Variants in NET1 observed in about 807,000 individuals in gnomAD.
NET1 encodes neuroepithelial cell transforming 1.
A neutral mutation model predicts 61.1 loss-of-function variants in NET1; 42 were observed. That is an observed-to-expected ratio of 0.69 (90% CI 0.54 to 0.89). NET1 has a LOEUF of 0.89. Ranked by LOEUF, NET1 falls within the 40% of genes least tolerant of loss-of-function variation. The pLI is 0.00. For missense variants in NET1, 654 were observed against 747.3 expected, an observed-to-expected ratio of 0.88 and a Z score of 1.46; for synonymous variants, 254 against 281.8, an observed-to-expected ratio of 0.90 and a Z score of 0.99.
At chr10:5,425,971 CAT>C (rs1302727596) in intron 1 of NET1, among the ~76,000 whole-genome samples, 16 of 152,222 alleles carry the variant, frequency 1.1e-4, no homozygotes, top group African/African-American at 1.7e-4. Context: ...ACTTTATAAA[CAT>C]ATGGCGGCTT....
rs1401409118 is a variant in NET1, at chr10:5,412,708, GC to G, written c.17del (p.Ala6GlyfsTer50). ...CCTCCGTGCCATGGAGCCCGAGCTG[GC>G]GGCTCAGAAGCAGCCTCGACCGCGG... MEPEL[A>X]AQKQPRPRRR... is the part of the protein sequence containing the mutation. On this transcript the variant is annotated frameshift_variant, in exon 1 of 12. Transcript: ENST00000355029. LOFTEE classifies it high-confidence loss of function. The surrounding 1 kb of genome is among the most constrained non-coding windows in gnomAD (Gnocchi z 6.5). The G allele has an allele frequency of 3.4e-6, 5 of 1,475,038 alleles. No individual in the cohort carries two copies. The South Asian group carries it at 6.5e-5, about 19-fold the overall frequency. The allele number at this position is 1,475,038 out of a possible 1,614,324, so 91.4% of individuals were successfully genotyped here. A position where few individuals can be genotyped will look rare whatever the true frequency, so the allele number is the denominator to read the frequency against.
At position 5,422,458 on chromosome 10, in the gene NET1, G is replaced by A. The variant is rs568288828; in HGVS notation, c.129-4197G>A. Among the ~76,000 whole-genome samples the A allele has an allele frequency of 5.3e-5, 8 of 152,280 alleles. No homozygotes were observed. The highest frequency in any genetic ancestry group is 1.2e-4 in the Non-Finnish European group (8 of 68,036). On this transcript the variant is annotated intron_variant, in intron 1 of 11. Coordinates refer to ENST00000355029, the MANE Select transcript of NET1 (RefSeq NM_001047160.3). This position sits in a 1 kb window ranked among gnomAD's most constrained non-coding sequence, Gnocchi z 4.1. Reference sequence around the variant, plus strand: ...TAACATCTTAAGGAATTGCCACACTGTTTCCAAAGAGTACTGGATTGTTAA... The same window carrying A: ...TAACATCTTAAGGAATTGCCACACTATTTCCAAAGAGTACTGGATTGTTAA...
intron 3 of NET1, among the ~76,000 whole-genome samples, chr10:5,445,273 T>G (rs1832589037): frequency 6.6e-6 from 1 of 152,106 alleles, no homozygotes; most frequent in Admixed American, 6.5e-5. Context: ...ACATAACATC[T>G]TAAACCTCTT....
At chr10:5,425,623 A>G (rs908126810) in intron 1 of NET1, among the ~76,000 whole-genome samples, 1 of 152,206 alleles carries the variant, frequency 6.6e-6, no homozygotes, top group African/African-American at 2.4e-5. Context: ...TAGCCTGCCT[A>G]CAGCTCCACA....
In NET1 at chr10:5,453,921, T is replaced by C. The variant is rs1832751597; in HGVS notation, c.769-344T>C. ...AGTGATGAAAGGCAGTCTCTGCCTTTATAGCCTAGTGAAGGAATAGCCAAG... is the reference window on the plus strand; with the variant it reads ...AGTGATGAAAGGCAGTCTCTGCCTTCATAGCCTAGTGAAGGAATAGCCAAG... On this transcript the variant is annotated intron_variant, in intron 8 of 11. Coordinates refer to ENST00000355029, the MANE Select transcript of NET1 (RefSeq NM_001047160.3). This position sits in a 1 kb window ranked among gnomAD's most constrained non-coding sequence, Gnocchi z 4.9. Among the ~76,000 whole-genome samples, 1 of 152,088 alleles carries C rather than the reference T, an allele frequency of 6.6e-6. No individual in the cohort carries two copies. Among genetic ancestry groups the C allele is most frequent in the African/African-American group, 2.4e-5 (1 of 41,408 alleles).
Position 5,420,296 on chromosome 10 carries a change from G to A in NET1, c.129-6359G>A, listed in dbSNP as rs1832150478. ...AAGTATATCCTAGCACATTTGTGTA[G>A]TAGAAAGGTTAGAAAAAACAGGAGG... On this transcript the variant is annotated intron_variant, in intron 1 of 11. Transcript: ENST00000355029. This position sits in a 1 kb window ranked among gnomAD's most constrained non-coding sequence, Gnocchi z 5.3. Among the ~76,000 whole-genome samples the A allele has an allele frequency of 1.3e-5, 2 of 152,234 alleles. No individual in the cohort carries two copies. The highest frequency in any genetic ancestry group is 4.1e-4 in the South Asian group (2 of 4,832).
Position 5,449,245 on chromosome 10 carries a change from A to G in NET1, c.256-2585A>G, listed in dbSNP as rs1047995989. Among the ~76,000 whole-genome samples the G allele has an allele frequency of 4.6e-5, 7 of 152,308 alleles. No homozygotes were observed. The South Asian group carries it at 6.2e-4, about 14-fold the overall frequency. On this transcript the variant is annotated intron_variant, in intron 3 of 11. Transcript: ENST00000355029. The surrounding 1 kb of genome is among the most constrained non-coding windows in gnomAD (Gnocchi z 4.4). ...TTCATACTTTTAAAATATATATACTAAAAGTTTGTTTTGTATTTGCCAAAC... is the reference window on the plus strand; with the variant it reads ...TTCATACTTTTAAAATATATATACTGAAAGTTTGTTTTGTATTTGCCAAAC...
Position 5,446,502 on chromosome 10 carries a change from C to T in NET1, c.256-5328C>T, listed in dbSNP as rs1042562911. On this transcript the variant is annotated intron_variant, in intron 3 of 11. Coordinates refer to ENST00000355029, the MANE Select transcript of NET1 (RefSeq NM_001047160.3). The surrounding 1 kb of genome is among the most constrained non-coding windows in gnomAD (Gnocchi z 5.0). ...AGCTGAGAGGCCTAGGTGTGCCCAG[C>T]TCTCAGTTAACTGAAGTCACGTGGT... 2.0e-5 allele frequency: 20 copies of T among 1,022,638 alleles called. No homozygotes were observed. Among genetic ancestry groups the T allele is most frequent in the Non-Finnish European group, 2.4e-5 (20 of 837,506 alleles). 63.3% of individuals were successfully genotyped at this position (1,022,638 alleles called of 1,614,324 possible).
chr10:5,445,763 T>C (rs1832597806), intron 3 of NET1, among the ~76,000 whole-genome samples: 1 of 152,236 alleles, frequency 6.6e-6, no homozygotes, highest in Admixed American at 6.5e-5. Flanking sequence ...TCACCTCTGT[T>C]AGCCTCATTT....
In NET1 at chr10:5,431,669, T is replaced by C. The variant is rs1437867785; in HGVS notation, c.255+2440T>C. Among the ~76,000 whole-genome samples the C allele has an allele frequency of 6.6e-6, 1 of 152,246 alleles. No homozygotes were observed. The highest frequency in any genetic ancestry group is 1.5e-5 in the Non-Finnish European group (1 of 68,038). ...CAGTTTTCAACAATAACGAATTCTATTCATTAGCATTCTCTGAAAGTAAGT... is the reference window on the plus strand; with the variant it reads ...CAGTTTTCAACAATAACGAATTCTACTCATTAGCATTCTCTGAAAGTAAGT... On this transcript the variant is annotated intron_variant, in intron 3 of 11. Transcript: ENST00000355029. This position sits in a 1 kb window ranked among gnomAD's most constrained non-coding sequence, Gnocchi z 4.9.
rs1832842303 is a variant in NET1 at position 5,458,292 on chromosome 10, G to A, written c.*1298G>A. ...TCATCATCTTTGAAAGGGGGGAGGA[G>A]GAGTAAAAGCCCGATTATAATGGTG... is the stretch of plus-strand genomic sequence containing the variant. On this transcript the variant is annotated 3_prime_UTR_variant, in exon 12 of 12. Coordinates refer to ENST00000355029, the MANE Select transcript of NET1 (RefSeq NM_001047160.3). This position sits in a 1 kb window ranked among gnomAD's most constrained non-coding sequence, Gnocchi z 4.5. The A allele has an allele frequency of 6.6e-6, 1 of 152,350 alleles. No homozygotes were observed. The highest frequency in any genetic ancestry group is 1.5e-5 in the Non-Finnish European group (1 of 68,026). 9.4% of individuals were successfully genotyped at this position (152,350 alleles called of 1,614,324 possible).
Position 5,455,137 on chromosome 10 carries a change from C to T in NET1, c.1197+19C>T, listed in dbSNP as rs548940083. The T allele has an allele frequency of 8.5e-5, 137 of 1,610,628 alleles. 1 individual carries two copies. The highest frequency in any genetic ancestry group is 5.3e-4 in the South Asian group (48 of 90,892). ...TGGACATGTAGGTGACTTTTGCTGC[C>T]GTGGCAGAGCAGCCTTCCCTCCTGC... On this transcript the variant is annotated intron_variant, in intron 10 of 11. Transcript: ENST00000355029. This position sits in a 1 kb window ranked among gnomAD's most constrained non-coding sequence, Gnocchi z 6.5.
chr10:5,452,267 GTCTT>G lies in NET1; in HGVS notation c.364-86_364-83del, dbSNP rs1301542406. 4.3e-6 allele frequency: 5 copies of G among 1,160,370 alleles called. No homozygotes were observed. Among genetic ancestry groups the G allele is most frequent in the African/African-American group, 1.6e-5 (1 of 63,934 alleles). 71.9% of individuals were successfully genotyped at this position (1,160,370 alleles called of 1,614,324 possible). On this transcript the variant is annotated intron_variant, in intron 4 of 11. Coordinates refer to ENST00000355029, the MANE Select transcript of NET1 (RefSeq NM_001047160.3). The surrounding 1 kb of genome is among the most constrained non-coding windows in gnomAD (Gnocchi z 4.0). ...TGCATTGAGAAATTCTCAGAACTTT[GTCTT>G]TCTTCACTTTAAAAAAAAAGAAAAT... is the stretch of plus-strand genomic sequence containing the variant.
Position 5,453,673 on chromosome 10 carries a change from A to G in NET1, c.768+113A>G. The stretch of plus-strand genomic sequence containing the variant: ...CACAACTCTGTTCTACAAACACATA[A>G]GGCGTTAAAACTGAACAAATTTACA... On this transcript the variant is annotated intron_variant, in intron 8 of 11. Coordinates refer to ENST00000355029, the MANE Select transcript of NET1 (RefSeq NM_001047160.3). The surrounding 1 kb of genome is among the most constrained non-coding windows in gnomAD (Gnocchi z 4.9). 1.1e-6 allele frequency: 1 copy of G among 928,818 alleles called. No individual in the cohort carries two copies. The highest frequency in any genetic ancestry group is 1.4e-5 in the South Asian group (1 of 70,318). 57.5% of individuals were successfully genotyped at this position (928,818 alleles called of 1,614,324 possible).
Position 5,441,015 on chromosome 10 carries a change from TCC to T in NET1, c.256-10813_256-10812del, listed in dbSNP as rs780313651. Among the ~76,000 whole-genome samples, 3 of 152,112 alleles carry T rather than the reference TCC, an allele frequency of 2.0e-5. No homozygotes were observed. The highest frequency in any genetic ancestry group is 4.4e-5 in the Non-Finnish European group (3 of 68,024). ...GACAGGTGTCTTTCTTGAGGTATGATCCCAGGGAACAAGCTGGAGAAGTGAAA... is the reference window on the plus strand; with the variant it reads ...GACAGGTGTCTTTCTTGAGGTATGATCAGGGAACAAGCTGGAGAAGTGAAA... On this transcript the variant is annotated intron_variant, in intron 3 of 11. Transcript: ENST00000355029. This position sits in a 1 kb window ranked among gnomAD's most constrained non-coding sequence, Gnocchi z 4.6.
chr10:5,417,310 C>T lies in NET1; in HGVS notation c.128+4490C>T, dbSNP rs1832099896. 6.6e-6 allele frequency among the ~76,000 whole-genome samples: 1 copy of T among 151,928 alleles called. No individual in the cohort carries two copies. Among genetic ancestry groups the T allele is most frequent in the Admixed American group, 6.6e-5 (1 of 15,244 alleles). On this transcript the variant is annotated intron_variant, in intron 1 of 11. Coordinates refer to ENST00000355029, the MANE Select transcript of NET1 (RefSeq NM_001047160.3). This position sits in a 1 kb window ranked among gnomAD's most constrained non-coding sequence, Gnocchi z 5.5. ...AGGCACAGGATGGGGGTGTGGTGAGCCAGGGTGGTCTTGGGAAATGCAACA... is the reference window on the plus strand; with the variant it reads ...AGGCACAGGATGGGGGTGTGGTGAGTCAGGGTGGTCTTGGGAAATGCAACA...
rs138329933 is a variant in NET1 at position 5,440,558 on chromosome 10, G to A, written c.256-11272G>A. On this transcript the variant is annotated intron_variant, in intron 3 of 11. Coordinates refer to ENST00000355029, the MANE Select transcript of NET1 (RefSeq NM_001047160.3). This position sits in a 1 kb window ranked among gnomAD's most constrained non-coding sequence, Gnocchi z 4.1. The stretch of plus-strand genomic sequence containing the variant: ...CACTTGTGCAGTCCGTAACTCTGAT[G>A]GCTGATCTCTGCATTTTCTCCTGGT... Among the ~76,000 whole-genome samples the A allele has an allele frequency of 1.2e-4, 18 of 152,260 alleles. No individual in the cohort carries two copies. The East Asian group carries it at 2.9e-3, about 24-fold the overall frequency.
chr10:5,456,976 GA>G lies in NET1; in HGVS notation c.1776del (p.Glu593ArgfsTer11). On this transcript the variant is annotated frameshift_variant, in exon 12 of 12. Coordinates refer to ENST00000355029, the MANE Select transcript of NET1 (RefSeq NM_001047160.3). LOFTEE classifies it high-confidence loss of function. The surrounding 1 kb of genome is among the most constrained non-coding windows in gnomAD (Gnocchi z 7.0). ...RDKALSGGKR[K>X]ETLV is the part of the protein sequence containing the mutation. ...ACAAAGCCCTTTCTGGTGGCAAACG[GA>G]AAGAGACTTTGGTGTAGAGAAGGCT... 6.4e-7 allele frequency: 1 copy of G among 1,564,162 alleles called. No homozygotes were observed. Among genetic ancestry groups the G allele is most frequent in the Non-Finnish European group, 8.7e-7 (1 of 1,154,606 alleles).
chr10:5,437,402 T>C lies in NET1; in HGVS notation c.255+8173T>C, dbSNP rs1210540910. Reference sequence around the variant, plus strand: ...CATAGTGTGTTAAAGTACCATAATCTATTTAACCAGTCTTTTAAGAATGGC... The same window carrying C: ...CATAGTGTGTTAAAGTACCATAATCCATTTAACCAGTCTTTTAAGAATGGC... On this transcript the variant is annotated intron_variant, in intron 3 of 11. Coordinates refer to ENST00000355029, the MANE Select transcript of NET1 (RefSeq NM_001047160.3). The surrounding 1 kb of genome is among the most constrained non-coding windows in gnomAD (Gnocchi z 4.3). Among the ~76,000 whole-genome samples, 4 of 152,190 alleles carry C rather than the reference T, an allele frequency of 2.6e-5. No individual in the cohort carries two copies. The highest frequency in any genetic ancestry group is 5.9e-5 in the Non-Finnish European group (4 of 68,008).
Sources: allele counts gnomAD v4.1 joint callset (sites outside exome capture counted in the v4.1 genomes callset), GRCh38; gene constraint gnomAD v4.1.1; non-coding constraint Gnocchi (gnomAD v3.1); transcripts MANE v1.5; gene names NCBI Gene and HGNC (gene_info 2026-07-23, HGNC 2026-07-21).